Variants in CLEC12A observed in about 807,000 individuals in gnomAD.
CLEC12A encodes the protein C-type lectin domain family 12 member A, also known as C-type lectin protein CLL-1.
CLEC12A carries 22 observed loss-of-function variants against 26.5 expected under a neutral mutation model. That is an observed-to-expected ratio of 0.83 (90% confidence interval 0.59 to 1.19). The LOEUF (loss-of-function observed/expected upper bound fraction) is 1.19. CLEC12A is among the 50% of genes most tolerant of loss of function. The probability of loss-of-function intolerance (pLI) is 0.00; values close to 1 mark genes in which losing one functional copy is unlikely to be tolerated. For missense variants in CLEC12A, 353 were observed against 315.6 expected, an observed-to-expected ratio of 1.12 and a Z score of -0.90; for synonymous variants, 119 against 101.9, an observed-to-expected ratio of 1.17 and a Z score of -1.01.
At chr12:10,002,213 A>C in the CLEC12A span, among the ~76,000 whole-genome samples, 2 of 152,140 alleles carry the variant, frequency 1.3e-5, no homozygotes, top group Non-Finnish European at 2.9e-5. Flanking sequence ...TTTCCTGATG[A>C]AATTGAATTT....
downstream of CLEC12A, chr12:9,985,794 T>C (rs112020554): frequency 3.8e-5 from 9 of 239,362 alleles, no homozygotes; most frequent in African/African-American, 1.8e-4. Flanking sequence ...TTTTTTATCC[T>C]GTTAGTAAAT....
downstream of CLEC12A, chr12:9,997,150 CA>C: frequency 6.2e-7 from 1 of 1,613,710 alleles, no homozygotes; most frequent in Admixed American, 1.7e-5. Flanking sequence ...GTTAAAAAAA[CA>C]ATACTTACTG....
chr12:9,999,977 T>C (rs1865136694), downstream of CLEC12A, among the ~76,000 whole-genome samples: 1 of 152,242 alleles, frequency 6.6e-6, no homozygotes, highest in African/African-American at 2.4e-5. Flanking sequence ...GCTTTTACAT[T>C]ATTTTAGCTT....
At chr12:9,988,075 G>T (rs1186449590), downstream of CLEC12A, among the ~76,000 whole-genome samples, 1 of 152,102 alleles carries the variant, frequency 6.6e-6, no homozygotes, top group East Asian at 1.9e-4. Context: ...GAAATGTGAG[G>T]ACATGAGATT....
At chr12:9,951,470 C>G in intron 1 of CLEC12A, 2 of 695,704 alleles carry the variant, frequency 2.9e-6, no homozygotes, top group South Asian at 3.0e-5. Context: ...AGAGGAAGCA[C>G]CCTGACTGTT....
chr12:9,972,360 G>A (rs913647162), intron 1 of CLEC12A, among the ~76,000 whole-genome samples: 13 of 152,032 alleles, frequency 8.6e-5, no homozygotes, highest in Non-Finnish European at 1.5e-4. Context: ...TGAAATAAGT[G>A]GTCCATCTGT....
downstream of CLEC12A, among the ~76,000 whole-genome samples, chr12:9,987,282 A>AT (rs1864788608): frequency 6.6e-6 from 1 of 152,034 alleles, no homozygotes; most frequent in Non-Finnish European, 1.5e-5. Flanking sequence ...AATCATTTTT[A>AT]TTTTTTTATG....
At chr12:9,979,121 C>T in intron 2 of CLEC12A, 57 bp downstream of exon 2, 1 of 1,404,444 alleles carries the variant, frequency 7.1e-7, no homozygotes. Context: ...AAATATTTAG[C>T]AACAAAAGTT....
chr12:10,001,541 G>T, the CLEC12A span, among the ~76,000 whole-genome samples: 5 of 152,150 alleles, frequency 3.3e-5, no homozygotes, highest in Admixed American at 1.3e-4. Context: ...TGACTTTGTG[G>T]TGTTAGAAGC....
chr12:9,971,016 T>C (rs537242910), upstream of CLEC12A, among the ~76,000 whole-genome samples: 1 of 152,294 alleles, frequency 6.6e-6, no homozygotes, highest in Admixed American at 6.5e-5. Context: ...GGAATGACAC[T>C]AACTGTCTCA....
downstream of CLEC12A, among the ~76,000 whole-genome samples, chr12:9,998,806 T>C (rs7980924): frequency 0.43 from 66,078 of 151,930 alleles, 14,661 homozygotes; most frequent in Non-Finnish European, 0.45. Context: ...TGCCCTCGAG[T>C]ATTAAACGCT....
chr12:9,959,619 A>T (rs928370443), intron 1 of CLEC12A, among the ~76,000 whole-genome samples: 1 of 152,140 alleles, frequency 6.6e-6, no homozygotes, highest in Non-Finnish European at 1.5e-5. Flanking sequence ...CCTTGGTTAC[A>T]GGGGTCCCAC....
chr12:9,971,474 G>A lies in CLEC12A; in HGVS notation c.-123G>A. On this transcript the variant is annotated 5_prime_UTR_variant, in exon 1 of 6. Transcript: ENST00000304361. ...TATAAACAGAAGTTTAAACTTGTAA[G>A]CTTAAGCTTCCGTTTATAAACAGAA... 5.7e-6 allele frequency: 8 copies of A among 1,415,152 alleles called. No individual in the cohort carries two copies. The South Asian group carries it at 1.3e-4, about 23-fold the overall frequency. The allele number at this position is 1,415,152 out of a possible 1,614,324, so 87.7% of individuals were successfully genotyped here.
In CLEC12A at chr12:9,985,044, T is replaced by C; in HGVS notation, c.*18T>C. 2.0e-6 allele frequency: 3 copies of C among 1,488,468 alleles called. No homozygotes were observed. Among genetic ancestry groups the C allele is most frequent in the South Asian group, 1.4e-5 (1 of 71,634 alleles). 92.2% of individuals were successfully genotyped at this position (1,488,468 alleles called of 1,614,324 possible). On this transcript the variant is annotated 3_prime_UTR_variant, in exon 6 of 6. Coordinates refer to ENST00000304361, the MANE Select transcript of CLEC12A (RefSeq NM_138337.6). ...AGGCATGAGGCATCAATCAAATACA[T>C]TTAAGGAGTGTAGGGGGTGGGGGTT...
At chr12:9,976,424 T>C (rs923799524) in intron 1 of CLEC12A, among the ~76,000 whole-genome samples, 4 of 152,212 alleles carry the variant, frequency 2.6e-5, no homozygotes, top group Non-Finnish European at 5.9e-5. Context: ...TTTGGAGCTT[T>C]AAGATTTGGT....
At chr12:9,997,027 G>A (rs375934190), downstream of CLEC12A, 88 of 1,612,264 alleles carry the variant, frequency 5.5e-5, no homozygotes, top group African/African-American at 1.1e-3. Flanking sequence ...CAGGAATGGT[G>A]TATTTTTTCT....
chr12:9,953,467 G>GC (rs761677882), intron 1 of CLEC12A: 3,300 of 86,100 alleles, frequency 0.038, 519 homozygotes, highest in Admixed American at 0.066. Flanking sequence ...GGGGGGGTCA[G>GC]CCCCCCCGCC....
downstream of CLEC12A, among the ~76,000 whole-genome samples, chr12:9,998,644 TTTTTGTTTTG>T (rs71049030): frequency 0.42 from 59,440 of 142,060 alleles, 13,066 homozygotes; most frequent in Non-Finnish European, 0.44. Context: ...GTGTTTGTAT[TTTTTGTTTTG>T]TTTTGTTTTG....
chr12:10,001,919 G>A, the CLEC12A span, among the ~76,000 whole-genome samples: 1 of 134,086 alleles, frequency 7.5e-6, no homozygotes, highest in African/African-American at 2.8e-5. Context: ...TTGCTCTGTC[G>A]TCCAGGCTGG....
Sources: allele counts gnomAD v4.1 joint callset (sites outside exome capture counted in the v4.1 genomes callset), GRCh38; gene constraint gnomAD v4.1.1; transcripts MANE v1.5; gene names NCBI Gene and HGNC (gene_info 2026-07-23, HGNC 2026-07-21).